Variants in HDAC4 observed in about 807,000 individuals in gnomAD.
HDAC4 encodes the protein histone deacetylase A.
HDAC4 carries 16 observed loss-of-function variants against 135.1 expected under a neutral mutation model. That is an observed-to-expected ratio of 0.12 (90% CI 0.08 to 0.18). HDAC4 has a LOEUF of 0.18. Ranked by LOEUF, HDAC4 falls within the 10% of genes least tolerant of loss-of-function variation. The probability of loss-of-function intolerance (pLI) is 1.00; values close to 1 mark genes in which losing one functional copy is unlikely to be tolerated. For synonymous variants in HDAC4, 685 were observed against 653.4 expected, an observed-to-expected ratio of 1.05 and a Z score of -0.74; for missense variants, 1,143 against 1,511.8, an observed-to-expected ratio of 0.76 and a Z score of 4.05.
In HDAC4 at chr2:239,213,050, G is replaced by A. The variant is rs142333374; in HGVS notation, c.95-22973C>T. On this transcript the variant is annotated intron_variant, in intron 3 of 26. Coordinates refer to ENST00000543185, the MANE Select transcript of HDAC4 (RefSeq NM_001378414.1). ...TTACTGTCTGCCCCTCCCTGCAATC[G>A]CCCAGGAAAACGCAAAGCTGGAGGA... 3.1e-3 allele frequency among the ~76,000 whole-genome samples: 479 copies of A among 152,214 alleles called. 3 individuals carry two copies. Among genetic ancestry groups the A allele is most frequent in the African/African-American group, 0.011 (454 of 41,528 alleles).
Position 239,068,637 on chromosome 2 carries a change from G to T in HDAC4, c.2751-30C>A. 2 of 1,576,394 alleles carry T rather than the reference G, an allele frequency of 1.3e-6. No individual in the cohort carries two copies. The highest frequency in any genetic ancestry group is 8.7e-7 in the Non-Finnish European group (1 of 1,145,952). On this transcript the variant is annotated intron_variant, in intron 22 of 26. Transcript: ENST00000543185. This position sits in a 1 kb window ranked among gnomAD's most constrained non-coding sequence, Gnocchi z 4.4. ...AAAGGACAGGAGAAGGCGTTACTGG[G>T]TCAGCTGAAAGAGGGACGGGACGGT...
intron 3 of HDAC4, among the ~76,000 whole-genome samples, chr2:239,214,325 G>A (rs1056370236): frequency 1.3e-5 from 2 of 152,096 alleles, no homozygotes; most frequent in East Asian, 1.9e-4. Context: ...CTCTGACTCC[G>A]ATCCTCTTGA....
chr2:239,175,661 T>C (rs1188717920), intron 5 of HDAC4, among the ~76,000 whole-genome samples: 2 of 152,122 alleles, frequency 1.3e-5, no homozygotes, highest in Admixed American at 1.3e-4. Context: ...GGGCCGTGGG[T>C]CACTCTACAA....
chr2:239,135,880 A>G (rs942868462), intron 9 of HDAC4, among the ~76,000 whole-genome samples: 2 of 152,232 alleles, frequency 1.3e-5, no homozygotes, highest in Non-Finnish European at 2.9e-5. Context: ...CAGGTTATAG[A>G]TCATGTACCT....
chr2:239,061,427 G>A (rs908528897), intron 24 of HDAC4, among the ~76,000 whole-genome samples: 6 of 151,656 alleles, frequency 4.0e-5, no homozygotes, highest in Non-Finnish European at 8.8e-5. Flanking sequence ...TGTGGTGTGT[G>A]CACGTGTGAC....
At chr2:239,124,647 C>CACGTTATAT in intron 12 of HDAC4, among the ~76,000 whole-genome samples, 1 of 118,388 alleles carries the variant, frequency 8.4e-6, no homozygotes, top group Non-Finnish European at 1.8e-5. Context: ...CACATCATTC[C>CACGTTATAT]ACGTTATATG....
chr2:239,207,073 C>T (rs1036647362), intron 3 of HDAC4, among the ~76,000 whole-genome samples: 4 of 152,012 alleles, frequency 2.6e-5, no homozygotes, highest in Non-Finnish European at 4.4e-5. Context: ...CCAGGGCTCA[C>T]TCCACCTGCT....
Position 239,255,295 on chromosome 2 carries a change from CTGTGTGTGTG to C in HDAC4, c.23-18641_23-18632del, listed in dbSNP as rs60768204. On this transcript the variant is annotated intron_variant, in intron 2 of 26. Coordinates refer to ENST00000543185, the MANE Select transcript of HDAC4 (RefSeq NM_001378414.1). Reference sequence around the variant, plus strand: ...GACTATGTGTAATCTTGTTTTCTCACTGTGTGTGTGTGTGTGTGTGTGTGTGTGTGTTTCA... The same window carrying C: ...GACTATGTGTAATCTTGTTTTCTCACTGTGTGTGTGTGTGTGTGTGTTTCA... Among the ~76,000 whole-genome samples the C allele has an allele frequency of 7.7e-4, 116 of 149,702 alleles. 2 individuals are homozygous for C. Among genetic ancestry groups the C allele is most frequent in the Admixed American group, 2.5e-3 (38 of 15,070 alleles).
At chr2:239,096,956 AGGCAGGG>A (rs1161514694) in intron 16 of HDAC4, among the ~76,000 whole-genome samples, 6 of 152,210 alleles carry the variant, frequency 3.9e-5, no homozygotes, top group Non-Finnish European at 7.4e-5. Context: ...AGGAGGCAGG[AGGCAGGG>A]GGCAGCAGCT....
rs910479012 is a variant in HDAC4 at position 239,052,453 on chromosome 2, G to A, written c.*644C>T. 3.9e-5 allele frequency: 6 copies of A among 152,516 alleles called. No individual in the cohort carries two copies. Among genetic ancestry groups the A allele is most frequent in the Non-Finnish European group, 7.3e-5 (5 of 68,102 alleles). The allele number at this position is 152,516 out of a possible 1,614,324, so 9.4% of individuals were successfully genotyped here. A position where few individuals can be genotyped will look rare whatever the true frequency, so the allele number is the denominator to read the frequency against. On this transcript the variant is annotated 3_prime_UTR_variant, in exon 27 of 27. Coordinates refer to ENST00000543185, the MANE Select transcript of HDAC4 (RefSeq NM_001378414.1). ...AAACTCGCATCTTCCGATGGCTTTT[G>A]AGAAACTCAAGCCAGCTCCCCCAGC...
At position 239,387,379 on chromosome 2, in the gene HDAC4, C is replaced by A. The variant is rs1034020607; in HGVS notation, c.-220+13599G>T. Among the ~76,000 whole-genome samples the A allele has an allele frequency of 3.9e-5, 6 of 152,354 alleles. No homozygotes were observed. In the South Asian group the frequency reaches 1.2e-3, roughly 32 times the overall value. On this transcript the variant is annotated intron_variant, in intron 1 of 26. Coordinates refer to ENST00000543185, the MANE Select transcript of HDAC4 (RefSeq NM_001378414.1). ...CCGCCGCTGCGTGCCTGGCCAGGACCACAGGGCCGGCCGCCACCAACGCAA... is the reference window on the plus strand; with the variant it reads ...CCGCCGCTGCGTGCCTGGCCAGGACAACAGGGCCGGCCGCCACCAACGCAA...
chr2:239,063,044 G>A (rs568711899), intron 24 of HDAC4, among the ~76,000 whole-genome samples: 3 of 152,082 alleles, frequency 2.0e-5, no homozygotes, highest in African/African-American at 2.4e-5. Flanking sequence ...TCGCTCCTCC[G>A]GCTAAGTCTT....
intron 6 of HDAC4, chr2:239,162,169 G>C (rs768889827): frequency 2.2e-5 from 10 of 456,680 alleles, no homozygotes; most frequent in Admixed American, 9.4e-5. Flanking sequence ...CAGCCTCCCA[G>C]ACTCTGTGCT....
intron 11 of HDAC4, among the ~76,000 whole-genome samples, chr2:239,131,414 A>G (rs1553627173): frequency 1.3e-5 from 2 of 152,228 alleles, no homozygotes; most frequent in Non-Finnish European, 2.9e-5. Flanking sequence ...CAGGAGACCA[A>G]CTCAAGCAAG....
At chr2:239,363,805 C>A (rs928762954) in intron 1 of HDAC4, among the ~76,000 whole-genome samples, 8 of 152,144 alleles carry the variant, frequency 5.3e-5, no homozygotes, top group African/African-American at 1.9e-4. Context: ...ATAGAAGAGA[C>A]CCTGCCACAC....
At chr2:239,291,427 C>CG (rs2051490679) in intron 2 of HDAC4, among the ~76,000 whole-genome samples, 1 of 152,110 alleles carries the variant, frequency 6.6e-6, no homozygotes, top group African/African-American at 2.4e-5. Context: ...CCCTGGGTGG[C>CG]GGGGGGCCTG....
chr2:239,214,518 G>A (rs571829399), intron 3 of HDAC4, among the ~76,000 whole-genome samples: 3 of 152,222 alleles, frequency 2.0e-5, no homozygotes, highest in South Asian at 2.1e-4. Context: ...TCTGTCAACC[G>A]CACTCTGGCT....
In HDAC4 at chr2:239,050,364, G is replaced by C. The variant is rs2030650614; in HGVS notation, c.*2733C>G. 6.6e-6 allele frequency: 1 copy of C among 152,242 alleles called. No homozygotes were observed. The allele number at this position is 152,242 out of a possible 1,614,324, so 9.4% of individuals were successfully genotyped here. ...CCACGGCGGGGTAAGAGGGCAGGTG[G>C]CAGGATCCCCAGAGGGCTATGCAGA... On this transcript the variant is annotated 3_prime_UTR_variant, in exon 27 of 27. Coordinates refer to ENST00000543185, the MANE Select transcript of HDAC4 (RefSeq NM_001378414.1).
intron 2 of HDAC4, among the ~76,000 whole-genome samples, chr2:239,280,967 T>TACAC (rs757679579): frequency 0.027 from 2,914 of 108,068 alleles, 191 homozygotes; most frequent in Non-Finnish European, 0.034. Flanking sequence ...CACACCACTC[T>TACAC]ACAATGAACA....
Sources: gnomAD v4.1 joint callset for allele counts (sites outside exome capture counted in the v4.1 genomes callset) on GRCh38, gnomAD v4.1.1 for gene constraint, Gnocchi (gnomAD v3.1) non-coding constraint, MANE v1.5 for transcripts, NCBI Gene and HGNC (gene_info 2026-07-23, HGNC 2026-07-21) for gene names.